The following TMEM178B variants were observed in gnomAD, a reference collection of about 807,000 sequenced individuals.
TMEM178B encodes transmembrane protein 178B.
TMEM178B carries 5 observed loss-of-function variants against 31.0 expected under a neutral mutation model. The observed-to-expected ratio is 0.16, with a 90% confidence interval of 0.08 to 0.34. TMEM178B has a LOEUF of 0.34. Among genes scored for constraint, TMEM178B ranks in the 10% least tolerant of loss-of-function variants. TMEM178B has a pLI of 1.00. For missense variants in TMEM178B, 275 were observed against 400.3 expected (o/e 0.69, Z 2.67); for synonymous variants, 164 against 164.0 (o/e 1.00, Z 0.00).
chr7:141,207,838 C>T (rs1796990528), intron 1 of TMEM178B, among the ~76,000 whole-genome samples: 1 of 152,120 alleles, frequency 6.6e-6, no homozygotes, highest in South Asian at 2.1e-4. Context: ...GGAAGGATCA[C>T]TTGAGCACAG....
At chr7:141,402,785 G>A (rs1010420641) in intron 2 of TMEM178B, among the ~76,000 whole-genome samples, 3 of 152,280 alleles carry the variant, frequency 2.0e-5, no homozygotes, top group African/African-American at 7.2e-5. Context: ...GCCTGGGGCT[G>A]CCTGCGCACT....
the TMEM178B span, among the ~76,000 whole-genome samples, chr7:141,507,030 G>A: frequency 6.6e-5 from 10 of 152,172 alleles, no homozygotes; most frequent in Non-Finnish European, 1.2e-4. Flanking sequence ...TACAAGAGGT[G>A]GGTTACCATG....
chr7:141,127,280 T>C (rs1795513905), intron 1 of TMEM178B, among the ~76,000 whole-genome samples: 1 of 152,242 alleles, frequency 6.6e-6, no homozygotes, highest in Non-Finnish European at 1.5e-5. Context: ...ACCTGGGAAC[T>C]GTTTTGTACA....
intron 2 of TMEM178B, among the ~76,000 whole-genome samples, chr7:141,258,730 C>A (rs1309623372): frequency 6.6e-6 from 1 of 152,086 alleles, no homozygotes; most frequent in Non-Finnish European, 1.5e-5. Context: ...ATATAGAATT[C>A]TTGGTTAAAC....
the TMEM178B span, among the ~76,000 whole-genome samples, chr7:141,499,464 C>CAAAAAAAA: frequency 5.9e-5 from 3 of 50,700 alleles, no homozygotes; most frequent in African/African-American, 1.7e-4. Flanking sequence ...CACATCTCTA[C>CAAAAAAAA]AAAAAAAAAA....
At chr7:141,120,597 G>A (rs1795392567) in intron 1 of TMEM178B, among the ~76,000 whole-genome samples, 1 of 151,694 alleles carries the variant, frequency 6.6e-6, no homozygotes, top group Admixed American at 6.6e-5. Flanking sequence ...TCCTAAGCCA[G>A]TTTTTTTTAG....
chr7:141,086,274 C>T (rs1043407064), intron 1 of TMEM178B, among the ~76,000 whole-genome samples: 8 of 152,044 alleles, frequency 5.3e-5, no homozygotes, highest in South Asian at 2.1e-4. Context: ...TCAAGTGATC[C>T]GCCTGCCTTG....
rs140871864 is a variant in TMEM178B, at chr7:141,115,348, T to C, written c.382+40656T>C. Among the ~76,000 whole-genome samples the C allele has an allele frequency of 7.2e-3, 1,097 of 152,002 alleles. 8 individuals are homozygous for C. Among genetic ancestry groups the C allele is most frequent in the Non-Finnish European group, 0.01 (696 of 67,964 alleles). On this transcript the variant is annotated intron_variant, in intron 1 of 3. Coordinates refer to ENST00000565468, the MANE Select transcript of TMEM178B (RefSeq NM_001195278.2). ...GAGCCACCATGCCTGGCTGGATCCA[T>C]GGGATTTGAATGGGCTGGGGAGAAG...
At chr7:141,115,390 G>A (rs1404724961) in intron 1 of TMEM178B, among the ~76,000 whole-genome samples, 1 of 152,100 alleles carries the variant, frequency 6.6e-6, no homozygotes, top group African/African-American at 2.4e-5. Flanking sequence ...GGGGACTCCA[G>A]TGTTATGTAA....
intron 2 of TMEM178B, among the ~76,000 whole-genome samples, chr7:141,279,662 G>A (rs941708006): frequency 6.6e-6 from 1 of 152,226 alleles, no homozygotes; most frequent in African/African-American, 2.4e-5. Context: ...CTGGGAAGGA[G>A]AGGCTGCCCT....
chr7:141,419,866 C>G (rs1305791617), intron 2 of TMEM178B, among the ~76,000 whole-genome samples: 2 of 152,134 alleles, frequency 1.3e-5, no homozygotes, highest in African/African-American at 2.4e-5. Context: ...TTATATGGCT[C>G]TAAGTCAGCA....
intron 3 of TMEM178B, among the ~76,000 whole-genome samples, chr7:141,469,450 C>G (rs1802200237): frequency 6.6e-6 from 1 of 152,124 alleles, no homozygotes; most frequent in Non-Finnish European, 1.5e-5. Context: ...AGAAACAAGT[C>G]TCAATCTTAA....
At position 141,233,435 on chromosome 7, in the gene TMEM178B, C is replaced by A. The variant is rs535804698; in HGVS notation, c.496+20731C>A. On this transcript the variant is annotated intron_variant, in intron 2 of 3. Coordinates refer to ENST00000565468, the MANE Select transcript of TMEM178B (RefSeq NM_001195278.2). Reference sequence around the variant, plus strand: ...CACTGTTCTGAGAATAAATTTTCTCCATTTTTCCATATTAACCTTGGAAAC... The same window carrying A: ...CACTGTTCTGAGAATAAATTTTCTCAATTTTTCCATATTAACCTTGGAAAC... 3.9e-5 allele frequency among the ~76,000 whole-genome samples: 6 copies of A among 152,304 alleles called. No individual in the cohort carries two copies. In the South Asian group the frequency reaches 1.2e-3, roughly 32 times the overall value.
At chr7:141,496,669 C>CAAAAAAAAA in the TMEM178B span, among the ~76,000 whole-genome samples, 27 of 33,252 alleles carry the variant, frequency 8.1e-4, 3 homozygotes, top group African/African-American at 3.0e-3. Flanking sequence ...GACTCCGTCT[C>CAAAAAAAAA]AAAAAAAAAA....
chr7:141,081,601 G>A (rs1016996200), intron 1 of TMEM178B, among the ~76,000 whole-genome samples: 5 of 150,450 alleles, frequency 3.3e-5, no homozygotes, highest in South Asian at 2.1e-4. Context: ...GCACCATTGC[G>A]CTCCAGCCTG....
chr7:141,154,245 T>C (rs1308392420), intron 1 of TMEM178B, among the ~76,000 whole-genome samples: 1 of 152,240 alleles, frequency 6.6e-6, no homozygotes, highest in Non-Finnish European at 1.5e-5. Context: ...TGGGCCAGAA[T>C]GGCTTTCTGC....
At chr7:141,169,532 G>A (rs142925259) in intron 1 of TMEM178B, among the ~76,000 whole-genome samples, 1 of 152,272 alleles carries the variant, frequency 6.6e-6, no homozygotes, top group East Asian at 1.9e-4. Context: ...TTTTATAATA[G>A]AACATTCATC....
intron 1 of TMEM178B, among the ~76,000 whole-genome samples, chr7:141,185,833 A>C (rs905641319): frequency 1.3e-5 from 2 of 152,000 alleles, no homozygotes; most frequent in African/African-American, 2.4e-5. Flanking sequence ...TCCATATCAC[A>C]GTCATGGCTT....
At chr7:141,201,258 G>A (rs777821188) in intron 1 of TMEM178B, among the ~76,000 whole-genome samples, 3 of 152,152 alleles carry the variant, frequency 2.0e-5, no homozygotes, top group East Asian at 1.9e-4. Context: ...CCTGGGAGCC[G>A]GTGGCCCTAC....
Sources: allele counts gnomAD v4.1 joint callset (sites outside exome capture counted in the v4.1 genomes callset), GRCh38; gene constraint gnomAD v4.1.1; transcripts MANE v1.5; gene names NCBI Gene and HGNC (gene_info 2026-07-23, HGNC 2026-07-21).